The following WNK1 variants were observed in gnomAD, a reference collection of about 807,000 sequenced individuals.
The protein encoded by WNK1 is serine/threonine-protein kinase WNK1.
Under a neutral mutation model 222.8 loss-of-function variants are expected in WNK1, and 38 were observed. The observed-to-expected ratio is 0.17, with a 90% CI of 0.13 to 0.22. The LOEUF is 0.22. Ranked by LOEUF, WNK1 falls within the 10% of genes least tolerant of loss-of-function variation. The probability of loss-of-function intolerance (pLI) is 1.00; values close to 1 mark genes in which losing one functional copy is unlikely to be tolerated. For missense variants in WNK1, 2,348 were observed against 2,918.4 expected (o/e 0.80, Z 4.50); for synonymous variants, 1,090 against 1,092.9 (o/e 1.00, Z 0.05).
At chr12:831,562 C>A (rs746458436) in intron 4 of WNK1, among the ~76,000 whole-genome samples, 2 of 151,102 alleles carry the variant, frequency 1.3e-5, no homozygotes, top group Non-Finnish European at 3.0e-5. Context: ...ATTCCTTTGT[C>A]TTCCATTAAA....
In WNK1 at chr12:908,809, T is replaced by C. The variant is rs374769683; in HGVS notation, c.*17T>C. 1.4e-6 allele frequency: 2 copies of C among 1,417,132 alleles called. No individual in the cohort carries two copies. Among genetic ancestry groups the C allele is most frequent in the African/African-American group, 3.3e-5 (2 of 61,300 alleles). 87.8% of individuals were successfully genotyped at this position (1,417,132 alleles called of 1,614,324 possible). A position where few individuals can be genotyped will look rare whatever the true frequency, so the allele number is the denominator to read the frequency against. ...ACCACTTAGACCTAGAGACATTAAC[T>C]GAATAGATCTGGGGGCAGGAGATGG... is the stretch of plus-strand genomic sequence containing the variant. On this transcript the variant is annotated 3_prime_UTR_variant, in exon 28 of 28. Coordinates refer to ENST00000315939, the MANE Select transcript of WNK1 (RefSeq NM_018979.4).
At chr12:899,973 C>T (rs1412796893) in intron 25 of WNK1, among the ~76,000 whole-genome samples, 18 of 150,778 alleles carry the variant, frequency 1.2e-4, no homozygotes, top group Admixed American at 9.3e-4. Context: ...AGCTAAAAAG[C>T]TCTGGAATAG....
intron 1 of WNK1, among the ~76,000 whole-genome samples, chr12:772,322 G>A (rs1187364738): frequency 1.3e-5 from 2 of 152,056 alleles, no homozygotes; most frequent in Non-Finnish European, 2.9e-5. Flanking sequence ...TTACCACATA[G>A]CAAAAGCATT....
chr12:820,095 A>G lies in WNK1; in HGVS notation c.932+6281A>G, dbSNP rs556247926. 1.4e-4 allele frequency among the ~76,000 whole-genome samples: 22 copies of G among 152,318 alleles called. No homozygotes were observed. In the South Asian group the frequency reaches 3.7e-3, roughly 26 times the overall value. ...TGAGGATTAGATTTCCATTTCTACAAGAAAAGGCTGTTGGAATTTTGACAG... is the reference window on the plus strand; with the variant it reads ...TGAGGATTAGATTTCCATTTCTACAGGAAAAGGCTGTTGGAATTTTGACAG... On this transcript the variant is annotated intron_variant, in intron 2 of 27. Coordinates refer to ENST00000315939, the MANE Select transcript of WNK1 (RefSeq NM_018979.4).
At chr12:848,160 A>C (rs1249773277) in intron 4 of WNK1, among the ~76,000 whole-genome samples, 1 of 152,176 alleles carries the variant, frequency 6.6e-6, no homozygotes, top group Non-Finnish European at 1.5e-5. Context: ...TTATTTGAAC[A>C]AGGAAGGACT....
intron 26 of WNK1, among the ~76,000 whole-genome samples, chr12:907,387 T>C (rs1955800777): frequency 1.3e-5 from 2 of 151,614 alleles, no homozygotes; most frequent in Non-Finnish European, 2.9e-5. Flanking sequence ...CTTCTCCTTA[T>C]CCTTAGCCAA....
At chr12:771,018 G>A (rs1437225122) in intron 1 of WNK1, among the ~76,000 whole-genome samples, 1 of 151,536 alleles carries the variant, frequency 6.6e-6, no homozygotes, top group Non-Finnish European at 1.5e-5. Flanking sequence ...TTTTGGAGAC[G>A]GAGTCTTCGC....
rs954953516 is a variant in WNK1, at chr12:754,282, G to C, written c.717G>C (p.Leu239=). The stretch of plus-strand genomic sequence containing the variant: ...CCTTTAAGACGGTCTACAAAGGTCT[G>C]GACACTGAAACCACCGTGGAAGTCG... ...RGSFKTVYKG[L]DTETTVEVAW... Residue 239 remains leucine, a synonymous_variant, in exon 1 of 28, where the codon CTG becomes CTC. Transcript: ENST00000315939. The C allele has an allele frequency of 6.2e-7, 1 of 1,613,564 alleles. No individual in the cohort carries two copies. The highest frequency in any genetic ancestry group is 8.5e-7 in the Non-Finnish European group (1 of 1,180,034).
At chr12:766,732 C>T (rs1237237965) in intron 1 of WNK1, among the ~76,000 whole-genome samples, 1 of 151,820 alleles carries the variant, frequency 6.6e-6, no homozygotes, top group Non-Finnish European at 1.5e-5. Context: ...CTGCCTTGGC[C>T]TCCCAAAGTG....
chr12:756,965 A>G (rs568390191), intron 1 of WNK1, among the ~76,000 whole-genome samples: 5 of 152,320 alleles, frequency 3.3e-5, no homozygotes, highest in South Asian at 2.1e-4. Context: ...AGAGCAGGTA[A>G]ATAACTTGAT....
At chr12:798,278 G>A (rs1312802197) in intron 1 of WNK1, among the ~76,000 whole-genome samples, 5 of 151,220 alleles carry the variant, frequency 3.3e-5, no homozygotes, top group South Asian at 4.2e-4. Context: ...TGCAACCTCC[G>A]CCTCCCGGGT....
In WNK1 at chr12:885,055, A is replaced by G. The variant is rs766701999; in HGVS notation, c.4251A>G (p.Thr1417=). 6.2e-7 allele frequency: 1 copy of G among 1,614,206 alleles called. No individual in the cohort carries two copies. The highest frequency in any genetic ancestry group is 1.7e-5 in the Admixed American group (1 of 60,030). Residue 1417 remains threonine (T), a synonymous_variant, in exon 19 of 28, where the codon ACA becomes ACG. Coordinates refer to ENST00000315939, the MANE Select transcript of WNK1 (RefSeq NM_018979.4). ...TTTCCAGCGTAGTTTCAAGTATCAC[A>G]ATACCTGCAGTTGTCTCAATATCTA... ...PVLSSVVSSI[T]IPAVVSISTT...
intron 9 of WNK1, among the ~76,000 whole-genome samples, chr12:872,009 A>G (rs1952196503): frequency 6.6e-6 from 1 of 152,194 alleles, no homozygotes; most frequent in South Asian, 2.1e-4. Flanking sequence ...GCTTGCCTCT[A>G]CTAATCCTGC....
At chr12:771,892 C>G (rs1942548590) in intron 1 of WNK1, among the ~76,000 whole-genome samples, 1 of 151,918 alleles carries the variant, frequency 6.6e-6, no homozygotes, top group African/African-American at 2.4e-5. Context: ...TCAAGCAATC[C>G]TCCTGTTTCA....
rs775327819 is a variant in WNK1, at chr12:908,663, G to A, written c.7020G>A (p.Thr2340=). ...CATTTGGCGCTCAATGGAGTGGGAC[G>A]GGTGGCCCAGCACCACAGCCACTTG... ...ATPFGAQWSG[T]GGPAPQPLGQ... The change falls in exon 28 of 28, where the codon ACG becomes ACA. Residue 2340 remains threonine, a synonymous_variant. Transcript: ENST00000315939. 7 of 1,614,174 alleles carry A rather than the reference G, an allele frequency of 4.3e-6. No homozygotes were observed. Among genetic ancestry groups the A allele is most frequent in the South Asian group, 2.2e-5 (2 of 91,082 alleles).
chr12:869,430 G>A (rs1226634887), intron 8 of WNK1, among the ~76,000 whole-genome samples: 1 of 152,050 alleles, frequency 6.6e-6, no homozygotes, highest in Non-Finnish European at 1.5e-5. Flanking sequence ...TGTAATGTAT[G>A]GTTGACCCAG....
At chr12:852,279 T>C (rs1418639956) in intron 4 of WNK1, among the ~76,000 whole-genome samples, 1 of 152,224 alleles carries the variant, frequency 6.6e-6, no homozygotes, top group East Asian at 1.9e-4. Context: ...ATTTGTCTTA[T>C]ATCGGACTCT....
At chr12:825,636 A>G (rs923539861) in intron 2 of WNK1, among the ~76,000 whole-genome samples, 59 of 152,218 alleles carry the variant, frequency 3.9e-4, no homozygotes, top group African/African-American at 1.3e-3. Context: ...TACTAAATGC[A>G]GGAAACAGTG....
chr12:814,204 C>G (rs1359201666), intron 2 of WNK1, among the ~76,000 whole-genome samples: 1 of 151,470 alleles, frequency 6.6e-6, no homozygotes, highest in Non-Finnish European at 1.5e-5. Context: ...TGGCGTGCAC[C>G]TGTAACCCCA....
Sources: allele counts gnomAD v4.1 joint callset (sites outside exome capture counted in the v4.1 genomes callset), GRCh38; gene constraint gnomAD v4.1.1; transcripts MANE v1.5; gene names NCBI Gene and HGNC (gene_info 2026-07-23, HGNC 2026-07-21).